The following SFMBT1 variants were observed in gnomAD, a reference collection of about 807,000 sequenced individuals.
SFMBT1 encodes the protein scm-like with four MBT domains protein 1.
SFMBT1 carries 32 observed loss-of-function variants against 108.7 expected under a neutral mutation model. The ratio of observed to expected loss-of-function variants is 0.29; its 90% CI spans 0.22 to 0.40. The LOEUF is 0.40. Among genes scored for constraint, SFMBT1 ranks in the 10% least tolerant of loss-of-function variants. The pLI is 1.00. For missense variants in SFMBT1, 816 were observed against 1,059.6 expected, an observed-to-expected ratio of 0.77 and a Z score of 3.19; for synonymous variants, 348 against 369.5, an observed-to-expected ratio of 0.94 and a Z score of 0.67.
Position 53,001,923 on chromosome 3 carries a change from T to TCA in SFMBT1, c.-130-32666_-130-32665insTG, listed in dbSNP as rs1334320903. 4.8e-3 allele frequency among the ~76,000 whole-genome samples: 325 copies of TCA among 67,084 alleles called. 19 individuals are homozygous for TCA. Among genetic ancestry groups the TCA allele is most frequent in the Admixed American group, 0.02 (93 of 4,662 alleles). The allele number at this position is 67,084 out of a possible 152,430, so 44.0% of individuals were successfully genotyped here. A position where few individuals can be genotyped will look rare whatever the true frequency, so the allele number is the denominator to read the frequency against. On this transcript the variant is annotated intron_variant, in intron 1 of 20. Coordinates refer to ENST00000394752, the MANE Select transcript of SFMBT1 (RefSeq NM_016329.4). ...CTGGGCAACAGAGCAAGACCCAGTC[T>TCA]CTCACACACACACACACACACACAC...
At chr3:52,938,546 C>G (rs1703092214) in intron 4 of SFMBT1, among the ~76,000 whole-genome samples, 3 of 151,304 alleles carry the variant, frequency 2.0e-5, no homozygotes, top group Non-Finnish European at 2.9e-5. Flanking sequence ...AGCTATAAGC[C>G]CTTCGTTTTC....
chr3:52,923,921 G>A (rs1322811318), intron 10 of SFMBT1, among the ~76,000 whole-genome samples: 1 of 152,050 alleles, frequency 6.6e-6, no homozygotes, highest in Non-Finnish European at 1.5e-5. Flanking sequence ...AAACAGGCTC[G>A]CATCAAGGTT....
At chr3:52,934,430 CAAAAAAAA>C (rs34039062) in intron 5 of SFMBT1, among the ~76,000 whole-genome samples, 1 of 114,304 alleles carries the variant, frequency 8.7e-6, no homozygotes, top group Non-Finnish European at 1.8e-5. Context: ...GTGTTCCAAG[CAAAAAAAA>C]AAAAAAAAAA....
Position 52,906,103 on chromosome 3 carries a change from C to CT in SFMBT1, c.2460+9dup, listed in dbSNP as rs759391275. On this transcript the variant is annotated intron_variant, in intron 20 of 20. Transcript: ENST00000394752. ...AGACATTACTAAAAATTATAGGTAT[C>CT]TGTGATTACCTGGTCTAGGAATATT... 2.0e-4 allele frequency: 329 copies of CT among 1,613,570 alleles called. 1 individual carries two copies. The highest frequency in any genetic ancestry group is 6.6e-4 in the Middle Eastern group (4 of 6,060).
At chr3:53,045,457 T>C (rs1700199600) in intron 1 of SFMBT1, among the ~76,000 whole-genome samples, 1 of 142,690 alleles carries the variant, frequency 7.0e-6, no homozygotes, top group Non-Finnish European at 1.5e-5. Flanking sequence ...GCCACTTTCC[T>C]TTCACGCCTC....
intron 1 of SFMBT1, among the ~76,000 whole-genome samples, chr3:53,026,312 T>C (rs1486096138): frequency 6.6e-6 from 1 of 152,226 alleles, no homozygotes; most frequent in Non-Finnish European, 1.5e-5. Flanking sequence ...TTTTGGTCCC[T>C]TTCCTAGCAT....
chr3:52,955,340 G>A (rs994865529), intron 2 of SFMBT1, among the ~76,000 whole-genome samples: 2 of 151,984 alleles, frequency 1.3e-5, no homozygotes, highest in Non-Finnish European at 2.9e-5. Flanking sequence ...TTGAACCCAG[G>A]AGGCAGAGGT....
In SFMBT1 at chr3:53,001,925, TCACACACACACACACA is replaced by T. The variant is rs59572829; in HGVS notation, c.-130-32683_-130-32668del. ...GGGCAACAGAGCAAGACCCAGTCTC[TCACACACACACACACA>T]CACACACACACACACACACACACAC... On this transcript the variant is annotated intron_variant, in intron 1 of 20. Coordinates refer to ENST00000394752, the MANE Select transcript of SFMBT1 (RefSeq NM_016329.4). Among the ~76,000 whole-genome samples the T allele has an allele frequency of 8.4e-4, 109 of 129,236 alleles. 2 individuals are homozygous for T. Among genetic ancestry groups the T allele is most frequent in the African/African-American group, 2.4e-3 (85 of 35,830 alleles). 84.8% of individuals were successfully genotyped at this position (129,236 alleles called of 152,430 possible).
At chr3:52,953,124 A>G (rs903154407) in intron 3 of SFMBT1, among the ~76,000 whole-genome samples, 4 of 152,246 alleles carry the variant, frequency 2.6e-5, no homozygotes. Context: ...TAGTTTTAGA[A>G]TTAATTATTC....
At chr3:52,940,684 A>G (rs1303266192) in intron 4 of SFMBT1, among the ~76,000 whole-genome samples, 1 of 152,238 alleles carries the variant, frequency 6.6e-6, no homozygotes, top group Non-Finnish European at 1.5e-5. Context: ...AAATTTATAA[A>G]TGGATACTAA....
At position 52,934,825 on chromosome 3, in the gene SFMBT1, C is replaced by A. The variant is rs745394511; in HGVS notation, c.441G>T (p.Pro147=). 6 of 1,613,064 alleles carry A rather than the reference C, an allele frequency of 3.7e-6. No homozygotes were observed. The highest frequency in any genetic ancestry group is 5.1e-6 in the Non-Finnish European group (6 of 1,179,530). ...TAGTAATACTCACGCCCTCTAGCAG[C>A]GGAACAGGAGGACTACATGCTCCTA... ...TLIGACSPPV[P]LLEGLRNGRN... Residue 147 remains proline, a synonymous_variant, in exon 5 of 21, where the codon CCG becomes CCT. Coordinates refer to ENST00000394752, the MANE Select transcript of SFMBT1 (RefSeq NM_016329.4).
intron 17 of SFMBT1, among the ~76,000 whole-genome samples, chr3:52,910,376 T>TTATTGTATATA (rs1379385703): frequency 2.0e-5 from 3 of 152,216 alleles, no homozygotes; most frequent in Non-Finnish European, 2.9e-5. Context: ...AATAACTAAT[T>TTATTGTATATA]TATATACATG....
At chr3:52,926,154 C>A in intron 9 of SFMBT1, 41 bp from the exon 10 acceptor site, 1 of 1,561,288 alleles carries the variant, frequency 6.4e-7, no homozygotes, top group Admixed American at 1.8e-5. Flanking sequence ...ACTACCACAC[C>A]ACATACGCCT....
Position 52,932,262 on chromosome 3 carries a change from C to T in SFMBT1, c.500G>A (p.Arg167Lys). ...NPLDLIAPGSRLECQAFQDSL... is the reference protein window; with the variant it reads ...NPLDLIAPGSKLECQAFQDSL... ...GTCCTGGAAAGCTTGACATTCTAGT[C>T]TGGATCCTGGAGCAATGAGATCTAA... is the stretch of plus-strand genomic sequence containing the variant. The change falls in exon 6 of 21, where the codon AGA (arginine) becomes AAA (lysine). Residue 167 changes from arginine to lysine, a missense_variant. By Grantham distance (26) the Arg-to-Lys change is conservative. Around this residue, in one of 5 missense-constraint regions of SFMBT1, gnomAD observed 495 missense variants for 607.4 expected, o/e 0.81. Transcript: ENST00000394752. 1 of 1,614,210 alleles carries T rather than the reference C, an allele frequency of 6.2e-7. No homozygotes were observed. The highest frequency in any genetic ancestry group is 8.5e-7 in the Non-Finnish European group (1 of 1,180,032).
In SFMBT1 at chr3:52,906,225, A is replaced by G. The variant is rs1702062597; in HGVS notation, c.2348T>C (p.Val783Ala). The change falls in exon 20 of 21, where the codon GTT becomes GCT. Residue 783 changes from valine to alanine, a missense_variant. Val to Ala is a moderately conservative substitution (Grantham distance 64). This residue lies in a region of SFMBT1 where 177 missense variants were observed against 182.0 expected (regional missense o/e 0.97). Coordinates refer to ENST00000394752, the MANE Select transcript of SFMBT1 (RefSeq NM_016329.4). ...ACTGTCCAGGTGAAGCCTTTCAGCA[A>G]CTTCGATCCTTATTTCCTTCATTCC... ...PPSPKEIRIE[V>A]AERLHLDSNP... 1.2e-6 allele frequency: 2 copies of G among 1,613,996 alleles called. No individual in the cohort carries two copies. The highest frequency in any genetic ancestry group is 2.2e-5 in the East Asian group (1 of 44,882).
intron 9 of SFMBT1, among the ~76,000 whole-genome samples, chr3:52,926,742 C>G (rs896630319): frequency 2.6e-5 from 4 of 152,152 alleles, no homozygotes; most frequent in African/African-American, 9.7e-5. Context: ...CATCTCCAAG[C>G]TGCTGCTGAC....
At position 52,954,428 on chromosome 3, in the gene SFMBT1, A is replaced by T. The variant is rs1703713294; in HGVS notation, c.29-17T>A. 1.3e-6 allele frequency: 2 copies of T among 1,581,326 alleles called. No individual in the cohort carries two copies. Reference sequence around the variant, plus strand: ...AGCCGGCATCTAGAATTAAAAATAAAACAAAAACAGGTGAATCCCAATTAA... The same window carrying T: ...AGCCGGCATCTAGAATTAAAAATAATACAAAAACAGGTGAATCCCAATTAA... On this transcript the variant is annotated splice_polypyrimidine_tract_variant and intron_variant, in intron 2 of 20. Coordinates refer to ENST00000394752, the MANE Select transcript of SFMBT1 (RefSeq NM_016329.4).
At chr3:52,982,358 T>C (rs1704742137) in intron 1 of SFMBT1, among the ~76,000 whole-genome samples, 2 of 152,266 alleles carry the variant, frequency 1.3e-5, no homozygotes, top group East Asian at 1.9e-4. Flanking sequence ...CTTCACAGGA[T>C]TGACAACAGA....
At chr3:52,962,824 A>AAAAAAAAAAAAAT (rs71087041) in intron 2 of SFMBT1, among the ~76,000 whole-genome samples, 1 of 150,112 alleles carries the variant, frequency 6.7e-6, no homozygotes, top group Non-Finnish European at 1.5e-5. Flanking sequence ...AAAAAAAAAA[A>AAAAAAAAAAAAAT]GGAGAGGGAG....
Sources: allele counts gnomAD v4.1 joint callset (sites outside exome capture counted in the v4.1 genomes callset), GRCh38; gene constraint gnomAD v4.1.1; regional missense constraint gnomAD v4.1.1; transcripts MANE v1.5; gene names NCBI Gene and HGNC (gene_info 2026-07-23, HGNC 2026-07-21).